PDSS2: variants seen among roughly 807,000 people sequenced by gnomAD.
PDSS2 encodes all trans-polyprenyl-diphosphate synthase PDSS2.
PDSS2 carries 31 observed loss-of-function variants against 44.5 expected under a neutral mutation model. The ratio of observed to expected loss-of-function variants is 0.70; its 90% CI spans 0.52 to 0.94. The LOEUF (loss-of-function observed/expected upper bound fraction) is 0.94, where lower values mean the gene tolerates loss of function less well. PDSS2 is among the 40% of genes least tolerant of loss of function. The pLI is 0.00. For missense variants in PDSS2, 452 were observed against 482.2 expected (o/e 0.94, Z 0.59); for synonymous variants, 157 against 180.3 (o/e 0.87, Z 1.03).
chr6:107,442,024 G>A (rs1001576379), intron 1 of PDSS2, among the ~76,000 whole-genome samples: 4 of 152,212 alleles, frequency 2.6e-5, no homozygotes, highest in Non-Finnish European at 5.9e-5. Context: ...GTAGTCTAGA[G>A]AAACTGTCTG....
chr6:107,164,378 C>T (rs1324339579), intron 7 of PDSS2, among the ~76,000 whole-genome samples: 1 of 152,126 alleles, frequency 6.6e-6, no homozygotes, highest in Admixed American at 6.6e-5. Flanking sequence ...CAGGTGTTCT[C>T]ATTGTTCAAT....
intron 1 of PDSS2, among the ~76,000 whole-genome samples, chr6:107,337,039 CCACACACACACACACACACACA>C (rs71861456): frequency 2.1e-5 from 3 of 141,616 alleles, no homozygotes; most frequent in Non-Finnish European, 3.0e-5. Context: ...CTTTCACATA[CCACACACACACACACACACACA>C]CACACACACA....
At chr6:107,342,175 C>T (rs191167896) in intron 1 of PDSS2, among the ~76,000 whole-genome samples, 1,491 of 147,794 alleles carry the variant, frequency 0.01, 19 homozygotes, top group South Asian at 0.03. Flanking sequence ...GCAACTGACA[C>T]AGAATAGTTC....
intron 2 of PDSS2, among the ~76,000 whole-genome samples, chr6:107,297,347 G>T (rs1776541493): frequency 6.6e-6 from 1 of 151,860 alleles, no homozygotes; most frequent in Middle Eastern, 3.4e-3. Flanking sequence ...GAAGTATCTG[G>T]AAAACATGTA....
At chr6:107,330,724 A>G (rs1400515514) in intron 2 of PDSS2, among the ~76,000 whole-genome samples, 1 of 152,220 alleles carries the variant, frequency 6.6e-6, no homozygotes, top group Non-Finnish European at 1.5e-5. Context: ...ATTTAGTAAT[A>G]CTTGACTGGC....
At chr6:107,451,055 A>G (rs1781850570) in intron 1 of PDSS2, among the ~76,000 whole-genome samples, 1 of 152,132 alleles carries the variant, frequency 6.6e-6, no homozygotes, top group African/African-American at 2.4e-5. Flanking sequence ...TGGTCTTGAA[A>G]TCCTGGACTC....
At chr6:107,448,790 A>G (rs958817686) in intron 1 of PDSS2, among the ~76,000 whole-genome samples, 8 of 152,318 alleles carry the variant, frequency 5.3e-5, no homozygotes, top group African/African-American at 1.4e-4. Flanking sequence ...ACTTATAAAG[A>G]AAAGAGGTTT....
At chr6:107,155,029 C>T (rs1554245303) in intron 7 of PDSS2, among the ~76,000 whole-genome samples, 1 of 152,120 alleles carries the variant, frequency 6.6e-6, no homozygotes, top group Non-Finnish European at 1.5e-5. Flanking sequence ...TACAGCTCCT[C>T]CTGACTCCCA....
In PDSS2 at chr6:107,201,279, T is replaced by C. The variant is rs1772760555; in HGVS notation, c.1009-7425A>G. On this transcript the variant is annotated intron_variant, in intron 6 of 7. Transcript: ENST00000369037. ...GAGAATGTGTGGTTTGAACCTTGTT[T>C]TATCTTTTAAAAATGTGAAAATAGA... Among the ~76,000 whole-genome samples, 4 of 151,848 alleles carry C rather than the reference T, an allele frequency of 2.6e-5. No individual in the cohort carries two copies. In the South Asian group the frequency reaches 8.3e-4, roughly 31 times the overall value.
chr6:107,367,954 A>G (rs138469079), intron 1 of PDSS2, among the ~76,000 whole-genome samples: 48 of 152,238 alleles, frequency 3.2e-4, no homozygotes, highest in Middle Eastern at 3.4e-3. Context: ...ATCTCAGGAT[A>G]TATGATTGAT....
chr6:107,210,659 T>A (rs1773167640), intron 5 of PDSS2, 89 bp from the exon 6 acceptor site: 1 of 875,138 alleles, frequency 1.1e-6, no homozygotes, highest in Non-Finnish European at 1.9e-6. Flanking sequence ...GTTAATGCAG[T>A]GAAATATGAA....
At chr6:107,350,560 T>C (rs2500567) in intron 1 of PDSS2, among the ~76,000 whole-genome samples, 146,390 of 152,282 alleles carry the variant, frequency 0.96, 70,620 homozygotes, top group East Asian at 1. Flanking sequence ...TACTATAATC[T>C]CAGCACTTTG....
rs569310128 is a variant in PDSS2, at chr6:107,310,120, C to T, written c.431+24078G>A. Among the ~76,000 whole-genome samples, 5 of 151,944 alleles carry T rather than the reference C, an allele frequency of 3.3e-5. No individual in the cohort carries two copies. In the South Asian group the frequency reaches 1.0e-3, roughly 32 times the overall value. On this transcript the variant is annotated intron_variant, in intron 2 of 7. Coordinates refer to ENST00000369037, the MANE Select transcript of PDSS2 (RefSeq NM_020381.4). Reference sequence around the variant, plus strand: ...CTAACACGGTGAAACCCCATCTCTACTGAAAATACAAAAAATTAGCTGGGT... The same window carrying T: ...CTAACACGGTGAAACCCCATCTCTATTGAAAATACAAAAAATTAGCTGGGT...
chr6:107,432,470 G>T (rs1334880326), intron 1 of PDSS2, among the ~76,000 whole-genome samples: 1 of 152,162 alleles, frequency 6.6e-6, no homozygotes, highest in Non-Finnish European at 1.5e-5. Flanking sequence ...ATCACCTTAA[G>T]CATTTCTTTG....
At chr6:107,406,298 T>C (rs927900980) in intron 1 of PDSS2, among the ~76,000 whole-genome samples, 1 of 152,228 alleles carries the variant, frequency 6.6e-6, no homozygotes, top group African/African-American at 2.4e-5. Context: ...TTAACTTTTT[T>C]AGATGATCAA....
intron 1 of PDSS2, among the ~76,000 whole-genome samples, chr6:107,454,507 A>G (rs956344646): frequency 1.3e-5 from 2 of 152,226 alleles, no homozygotes; most frequent in African/African-American, 4.8e-5. Context: ...TTATCTCACC[A>G]AACCTCAAGA....
intron 1 of PDSS2, among the ~76,000 whole-genome samples, chr6:107,353,973 G>T (rs994990879): frequency 1.3e-5 from 2 of 152,072 alleles, no homozygotes; most frequent in African/African-American, 4.8e-5. Flanking sequence ...ATAAACAGAT[G>T]GTAAAGAGTG....
intron 1 of PDSS2, among the ~76,000 whole-genome samples, chr6:107,450,937 C>T (rs1362845930): frequency 6.6e-6 from 1 of 152,162 alleles, no homozygotes; most frequent in Non-Finnish European, 1.5e-5. Context: ...CTCAAGTGAT[C>T]CTCTTACCTC....
intron 1 of PDSS2, among the ~76,000 whole-genome samples, chr6:107,376,699 T>C (rs1053733723): frequency 1.1e-4 from 17 of 152,070 alleles, no homozygotes; most frequent in African/African-American, 3.9e-4. Flanking sequence ...TCATGTCGTC[T>C]GCAAACAGGG....
Sources: gnomAD v4.1 joint callset for allele counts (sites outside exome capture counted in the v4.1 genomes callset) on GRCh38, gnomAD v4.1.1 for gene constraint, MANE v1.5 for transcripts, NCBI Gene and HGNC (gene_info 2026-07-23, HGNC 2026-07-21) for gene names.